The following DARS1 variants were observed in gnomAD, a reference collection of about 807,000 sequenced individuals.
The protein encoded by DARS1 is aspartyl-tRNA synthetase 1.
In DARS1, 51 loss-of-function variants were observed where a neutral mutation model predicts 68.8. The ratio of observed to expected loss-of-function variants is 0.74; its 90% CI spans 0.59 to 0.94. DARS1 has a LOEUF of 0.94. Ranked by LOEUF, DARS1 falls within the 40% of genes least tolerant of loss-of-function variation. DARS1 has a pLI of 0.00. For synonymous variants in DARS1, 203 were observed against 190.4 expected (o/e 1.07, Z -0.55); for missense variants, 607 against 597.3 (o/e 1.02, Z -0.17).
At chr2:135,911,671 T>A in intron 13 of DARS1, 178 bp from the exon 14 acceptor site, 1 of 502,216 alleles carries the variant, frequency 2.0e-6, no homozygotes, top group South Asian at 2.9e-5. Flanking sequence ...TTTCTTTGTT[T>A]ATATCAGATT....
intron 2 of DARS1, among the ~76,000 whole-genome samples, chr2:135,983,045 C>T (rs1682673217): frequency 6.6e-6 from 1 of 152,182 alleles, no homozygotes; most frequent in Non-Finnish European, 1.5e-5. Flanking sequence ...TTTATTAAAG[C>T]ATGCAAAAAG....
intron 7 of DARS1, among the ~76,000 whole-genome samples, chr2:135,927,033 T>C (rs901579457): frequency 2.0e-5 from 3 of 152,218 alleles, no homozygotes; most frequent in African/African-American, 7.2e-5. Flanking sequence ...GTATTTTTTC[T>C]TCTCCTGATC....
chr2:135,978,142 C>CAAA (rs59505882), intron 3 of DARS1, among the ~76,000 whole-genome samples: 39 of 54,682 alleles, frequency 7.1e-4, no homozygotes, highest in Middle Eastern at 0.012. Context: ...GACTCTGTCT[C>CAAA]AAAAAAAAAA....
intron 10 of DARS1, 68 bp downstream of exon 10, chr2:135,920,385 G>T (rs1417547122): frequency 1.0e-5 from 15 of 1,499,932 alleles, no homozygotes; most frequent in Non-Finnish European, 1.3e-5. Flanking sequence ...TTAAATTGAA[G>T]AATTTTTTTT....
chr2:135,951,348 T>C (rs1681834447), intron 4 of DARS1, among the ~76,000 whole-genome samples: 2 of 152,236 alleles, frequency 1.3e-5, no homozygotes, highest in Non-Finnish European at 2.9e-5. Context: ...CAGTCCATGT[T>C]GGCAATTTAT....
chr2:135,965,073 G>T (rs977577477), intron 3 of DARS1, among the ~76,000 whole-genome samples: 2 of 151,728 alleles, frequency 1.3e-5, no homozygotes, highest in Non-Finnish European at 2.9e-5. Context: ...TAGAACATAA[G>T]AAAAAATTGA....
chr2:135,974,840 T>C (rs1276825749), intron 3 of DARS1, among the ~76,000 whole-genome samples: 1 of 152,192 alleles, frequency 6.6e-6, no homozygotes, highest in Non-Finnish European at 1.5e-5. Flanking sequence ...TTATTTGTTC[T>C]TTTTTAATAA....
At chr2:135,971,408 C>A (rs1056875676) in intron 3 of DARS1, among the ~76,000 whole-genome samples, 2 of 152,014 alleles carry the variant, frequency 1.3e-5, no homozygotes, top group African/African-American at 4.8e-5. Context: ...TGATAAAAAC[C>A]CCCCAAAAAC....
Position 135,961,399 on chromosome 2 carries a change from G to A in DARS1, c.317C>T (p.Ala106Val), listed in dbSNP as rs1156765038. 3 of 1,309,944 alleles carry A rather than the reference G, an allele frequency of 2.3e-6. No individual in the cohort carries two copies. The highest frequency in any genetic ancestry group is 2.2e-6 in the Non-Finnish European group (2 of 901,966). 81.1% of individuals were successfully genotyped at this position (1,309,944 alleles called of 1,614,324 possible). A position where few individuals can be genotyped will look rare whatever the true frequency, so the allele number is the denominator to read the frequency against. Reference protein sequence around the residue: ...HASKQMVKFAANINKESIVDV... With the variant: ...HASKQMVKFAVNINKESIVDV... ...CAGGATATAATTGCTTACTTACTTG[G>A]CAGCAAATTTAACCATCTGCTTGCT... Residue 106 changes from alanine to valine, a missense_variant, in exon 4 of 16, where the codon GCC becomes GTC. Ala to Val is a moderately conservative substitution (Grantham distance 64, BLOSUM62 0). Coordinates refer to ENST00000264161, the MANE Select transcript of DARS1 (RefSeq NM_001349.4).
chr2:135,931,179 G>A (rs309161), intron 7 of DARS1, among the ~76,000 whole-genome samples: 33,949 of 152,064 alleles, frequency 0.22, 4,387 homozygotes, highest in Middle Eastern at 0.41. Flanking sequence ...AAATTCTTTA[G>A]CCCTTGACTT....
chr2:135,956,147 A>T (rs1198023843), intron 4 of DARS1, among the ~76,000 whole-genome samples: 1 of 152,244 alleles, frequency 6.6e-6, no homozygotes, highest in Admixed American at 6.5e-5. Flanking sequence ...CAATGTAAGA[A>T]GTCACATGGT....
chr2:135,923,344 C>T (rs1339960783), intron 8 of DARS1, among the ~76,000 whole-genome samples: 87 of 152,084 alleles, frequency 5.7e-4, no homozygotes, highest in Admixed American at 5.7e-3. Flanking sequence ...GGCTAGAATG[C>T]CGTGGCACGA....
intron 3 of DARS1, among the ~76,000 whole-genome samples, chr2:135,973,191 A>G (rs1390584613): frequency 1.3e-5 from 2 of 152,216 alleles, no homozygotes; most frequent in Non-Finnish European, 1.5e-5. Flanking sequence ...TCAACAGATG[A>G]ATGGATAAAG....
At chr2:135,949,609 G>C (rs1027108385) in intron 4 of DARS1, among the ~76,000 whole-genome samples, 1 of 152,110 alleles carries the variant, frequency 6.6e-6, no homozygotes, top group Non-Finnish European at 1.5e-5. Flanking sequence ...CCTGTTCCTA[G>C]AACCTCTAGG....
intron 15 of DARS1, among the ~76,000 whole-genome samples, chr2:135,909,942 TCAA>T (rs1680862779): frequency 6.6e-6 from 1 of 152,200 alleles, no homozygotes; most frequent in Admixed American, 6.5e-5. Context: ...TTTGGCATGT[TCAA>T]CCAGTAAGCA....
rs143561505 is a variant in DARS1, at chr2:135,923,115, T to C, written c.677-197A>G. Among the ~76,000 whole-genome samples, 683 of 152,332 alleles carry C rather than the reference T, an allele frequency of 4.5e-3. 3 individuals carry two copies. The highest frequency in any genetic ancestry group is 8.3e-3 in the South Asian group (40 of 4,828). ...AGTTTATATTTAAACCAGATTTACTTCTTTGGCTATGCTTTTATTTCACTT... is the reference window on the plus strand; with the variant it reads ...AGTTTATATTTAAACCAGATTTACTCCTTTGGCTATGCTTTTATTTCACTT... On this transcript the variant is annotated intron_variant, in intron 8 of 15. Transcript: ENST00000264161.
At chr2:135,954,407 T>C (rs756805812) in intron 4 of DARS1, among the ~76,000 whole-genome samples, 3 of 151,376 alleles carry the variant, frequency 2.0e-5, no homozygotes, top group Non-Finnish European at 2.9e-5. Context: ...AAAACAGTAT[T>C]TACACCTCAT....
At chr2:135,974,214 T>C (rs1010245727) in intron 3 of DARS1, among the ~76,000 whole-genome samples, 2 of 152,232 alleles carry the variant, frequency 1.3e-5, no homozygotes, top group Non-Finnish European at 2.9e-5. Context: ...ATGTGTGTAC[T>C]GGATGACGCA....
At chr2:135,935,743 A>G (rs1681455538) in intron 5 of DARS1, among the ~76,000 whole-genome samples, 1 of 152,200 alleles carries the variant, frequency 6.6e-6, no homozygotes, top group African/African-American at 2.4e-5. Flanking sequence ...TTTAAAAACC[A>G]TTTTATCATA....
Sources: gnomAD v4.1 joint callset for allele counts (sites outside exome capture counted in the v4.1 genomes callset) on GRCh38, gnomAD v4.1.1 for gene constraint, MANE v1.5 for transcripts, NCBI Gene and HGNC (gene_info 2026-07-23, HGNC 2026-07-21) for gene names.